OTOG: variants seen among roughly 807,000 people sequenced by gnomAD.
OTOG encodes the protein otogelin.
Under a neutral mutation model 313.8 loss-of-function variants are expected in OTOG, and 296 were observed. The ratio of observed to expected loss-of-function variants is 0.94; its 90% CI spans 0.86 to 1.04. The LOEUF (loss-of-function observed/expected upper bound fraction) is 1.04, where lower values mean the gene tolerates loss of function less well. Ranked by LOEUF, OTOG falls within the 50% of genes least tolerant of loss-of-function variation. OTOG has a pLI of 0.00. For synonymous variants in OTOG, 1,533 were observed against 1,554.9 expected (o/e 0.99, Z 0.33); for missense variants, 3,948 against 3,840.1 (o/e 1.03, Z -0.74).
chr11:17,599,120 G>T (rs1352083661), intron 30 of OTOG, among the ~76,000 whole-genome samples: 1 of 152,192 alleles, frequency 6.6e-6, no homozygotes, highest in African/African-American at 2.4e-5. Flanking sequence ...GTGTGGTGCT[G>T]GGGATGACCA....
At chr11:17,639,495 GGTC>G in intron 49 of OTOG, 32 bp downstream of exon 49, 1 of 1,547,796 alleles carries the variant, frequency 6.5e-7, no homozygotes, top group South Asian at 1.2e-5. Context: ...AACACTCCCT[GGTC>G]TGCTCCCCTT....
In OTOG at chr11:17,629,307, G is replaced by A. The variant is rs1374623056; in HGVS notation, c.6703G>A (p.Gly2235Ser). 6.5e-7 allele frequency: 1 copy of A among 1,549,782 alleles called. No homozygotes were observed. Among genetic ancestry groups the A allele is most frequent in the Non-Finnish European group, 8.7e-7 (1 of 1,146,752 alleles). ...CAAAACCAGCAAGGCCCAGGGCCAT[G>A]GCCTGTGCGGTGAGGTGGAACCCAG... is the stretch of plus-strand genomic sequence containing the variant. ...ASKTSKAQGH[G>S]LCGICDGDAA... The change falls in exon 40 of 56, where the codon GGC (glycine) becomes AGC (serine). Residue 2235 changes from glycine to serine, a missense_variant. Coordinates refer to ENST00000399397, the MANE Select transcript of OTOG (RefSeq NM_001292063.2).
At chr11:17,605,109 G>C (rs1433669555) in intron 32 of OTOG, among the ~76,000 whole-genome samples, 2 of 152,254 alleles carry the variant, frequency 1.3e-5, no homozygotes, top group Non-Finnish European at 2.9e-5. Context: ...AGCCAGGGTG[G>C]TGAGCTGGGA....
intron 39 of OTOG, among the ~76,000 whole-genome samples, chr11:17,628,326 C>T (rs1361776069): frequency 6.6e-6 from 1 of 152,046 alleles, no homozygotes; most frequent in Non-Finnish European, 1.5e-5. Flanking sequence ...ACCCACTTGA[C>T]ATTCAGGAGC....
Position 17,642,206 on chromosome 11 carries a change from C to T in OTOG, c.8375C>T (p.Pro2792Leu), listed in dbSNP as rs1457976696. The T allele has an allele frequency of 1.3e-6, 2 of 1,550,272 alleles. No individual in the cohort carries two copies. The highest frequency in any genetic ancestry group is 2.4e-5 in the South Asian group (2 of 84,012). Residue 2792 changes from proline to leucine, a missense_variant, in exon 53 of 56, where the codon CCC becomes CTC. By Grantham distance (98) the Pro-to-Leu change is moderately conservative (BLOSUM62 -3). Coordinates refer to ENST00000399397, the MANE Select transcript of OTOG (RefSeq NM_001292063.2). ...CTGGGTGCCGTGCTGGTCCGCTCTC[C>T]CATAAGCTGCCCACCGCTCAATGAG... ...TPLGAVLVRS[P>L]ISCPPLNETE...
chr11:17,606,254 G>A (rs1853386836), intron 33 of OTOG, 119 bp downstream of exon 33: 2 of 1,301,994 alleles, frequency 1.5e-6, no homozygotes, highest in Admixed American at 5.6e-5. Flanking sequence ...TCCTTCTCCT[G>A]GCACAGGGGC....
At position 17,610,942 on chromosome 11, in the gene OTOG, C is replaced by A; in HGVS notation, c.5642C>A (p.Thr1881Lys). The change falls in exon 36 of 56, where the codon ACA (threonine) becomes AAA (lysine). Residue 1881 changes from threonine (T) to lysine (K), a missense_variant. Coordinates refer to ENST00000399397, the MANE Select transcript of OTOG (RefSeq NM_001292063.2). ...GCTCCAGGCCTGCTGCTGGGAGCCA[C>A]ATTGCCAACCTCTGGAGTCCTGCCT... ...GTAPGLLLGA[T>K]LPTSGVLPVA... is the part of the protein sequence containing the mutation. 1 of 1,550,590 alleles carries A rather than the reference C, an allele frequency of 6.4e-7. No homozygotes were observed. Among genetic ancestry groups the A allele is most frequent in the African/African-American group, 1.4e-5 (1 of 73,180 alleles).
At chr11:17,555,638 G>A in intron 6 of OTOG, 141 bp from the exon 7 acceptor site, 1 of 646,576 alleles carries the variant, frequency 1.5e-6, no homozygotes. Flanking sequence ...TGATGTATGG[G>A]GACTGAGCGA....
chr11:17,605,819 T>A, intron 32 of OTOG, 38 bp from the exon 33 acceptor site: 2 of 1,499,106 alleles, frequency 1.3e-6, no homozygotes, highest in Non-Finnish European at 1.8e-6. Flanking sequence ...CACCTGGACC[T>A]CTGCCTGTAC....
At chr11:17,549,618 G>T (rs1230351798) in intron 3 of OTOG, among the ~76,000 whole-genome samples, 4 of 152,224 alleles carry the variant, frequency 2.6e-5, no homozygotes, top group African/African-American at 4.8e-5. Context: ...GCAGAGCCAG[G>T]CCGTGCATAC....
chr11:17,591,457 C>G lies in OTOG; in HGVS notation c.2875C>G (p.Gln959Glu). Reference protein sequence around the residue: ...VMSPCHTCVCQRGSFQCTLHP... With the variant: ...VMSPCHTCVCERGSFQCTLHP... ...TGGGCATGTGTTTTTCAGTGTGTGC[C>G]AGCGGGGCTCATTCCAGTGCACCCT... The change falls in exon 25 of 56, where the codon CAG (glutamine) becomes GAG (glutamate). Residue 959 changes from glutamine to glutamate, a missense_variant. Coordinates refer to ENST00000399397, the MANE Select transcript of OTOG (RefSeq NM_001292063.2). 1 of 1,550,674 alleles carries G rather than the reference C, an allele frequency of 6.4e-7. No homozygotes were observed. The highest frequency in any genetic ancestry group is 8.7e-7 in the Non-Finnish European group (1 of 1,147,016).
intron 1 of OTOG, 36 bp downstream of exon 1, chr11:17,547,502 C>A: frequency 7.6e-7 from 1 of 1,319,372 alleles, no homozygotes; most frequent in Non-Finnish European, 9.7e-7. Context: ...GTCGGGGGCT[C>A]GAGGAATGAG....
Position 17,602,289 on chromosome 11 carries a change from C to T in OTOG, c.3789C>T (p.Asp1263=). 1 of 1,550,592 alleles carries T rather than the reference C, an allele frequency of 6.4e-7. No individual in the cohort carries two copies. Among genetic ancestry groups the T allele is most frequent in the African/African-American group, 1.4e-5 (1 of 73,170 alleles). ...TGGGCATGAAGGCGGTGGGCGATGACATAGTCCTAGTGAGGACAGAGGATG... is the reference window on the plus strand; with the variant it reads ...TGGGCATGAAGGCGGTGGGCGATGATATAGTCCTAGTGAGGACAGAGGATG... ...ALVGMKAVGD[D]IVLVRTEDVA... The change falls in exon 32 of 56, where the codon GAC becomes GAT. Residue 1263 remains aspartate, a synonymous_variant. Transcript: ENST00000399397.
Position 17,576,547 on chromosome 11 carries a change from T to A in OTOG, c.2487-9T>A, listed in dbSNP as rs1240732512. 6.5e-7 allele frequency: 1 copy of A among 1,549,494 alleles called. No homozygotes were observed. The highest frequency in any genetic ancestry group is 2.4e-5 in the East Asian group (1 of 40,912). ...CTGCTCACCTTTCTTTGCTCCCATTTTTTTATAGGAACCAGTGCTCCTGCC... is the reference window on the plus strand; with the variant it reads ...CTGCTCACCTTTCTTTGCTCCCATTATTTTATAGGAACCAGTGCTCCTGCC... On this transcript the variant is annotated splice_polypyrimidine_tract_variant and intron_variant, in intron 20 of 55. Transcript: ENST00000399397.
chr11:17,591,036 C>T (rs1852919291), intron 24 of OTOG, among the ~76,000 whole-genome samples: 1 of 152,176 alleles, frequency 6.6e-6, no homozygotes, highest in Non-Finnish European at 1.5e-5. Flanking sequence ...ATCTCTTCTC[C>T]CTCTAGAATA....
At chr11:17,636,473 G>GACT (rs933980647) in intron 47 of OTOG, among the ~76,000 whole-genome samples, 14 of 152,148 alleles carry the variant, frequency 9.2e-5, no homozygotes, top group African/African-American at 3.4e-4. Context: ...GAACAGAGTA[G>GACT]GAGAGGGGCT....
chr11:17,645,590 A>C lies in OTOG; in HGVS notation c.8488A>C (p.Lys2830Gln). ...TAAGGAGGATGGGCGCTCCTGCAAG[A>C]AGGTGACCATCCGCATGACCATCCG... The part of the protein sequence containing the change: ...TCKEDGRSCK[K>Q]VTIRMTIRKN... Residue 2830 changes from lysine (K) to glutamine (Q), a missense_variant, in exon 55 of 56, where the codon AAG (lysine) becomes CAG (glutamine). Coordinates refer to ENST00000399397, the MANE Select transcript of OTOG (RefSeq NM_001292063.2). 1 of 1,550,654 alleles carries C rather than the reference A, an allele frequency of 6.4e-7. No individual in the cohort carries two copies. The highest frequency in any genetic ancestry group is 8.7e-7 in the Non-Finnish European group (1 of 1,146,998).
In OTOG at chr11:17,594,063, T is replaced by C. The variant is rs1853026774; in HGVS notation, c.3305T>C (p.Leu1102Pro). The C allele has an allele frequency of 6.4e-7, 1 of 1,550,458 alleles. No homozygotes were observed. Among genetic ancestry groups the C allele is most frequent in the Non-Finnish European group, 8.7e-7 (1 of 1,147,000 alleles). Reference protein sequence around the residue: ...GPQWQGQLAGLCGNFDLKTIN... With the variant: ...GPQWQGQLAGPCGNFDLKTIN... ...TCCTTTCAGGGCCAGCTGGCGGGCC[T>C]CTGTGGGAACTTTGACTTAAAAACC... Residue 1102 changes from leucine (L) to proline (P), a missense_variant, in exon 28 of 56, where the codon CTC (leucine) becomes CCC (proline). Coordinates refer to ENST00000399397, the MANE Select transcript of OTOG (RefSeq NM_001292063.2).
At chr11:17,618,239 CT>C (rs1362041870) in intron 39 of OTOG, among the ~76,000 whole-genome samples, 2 of 152,156 alleles carry the variant, frequency 1.3e-5, no homozygotes, top group African/African-American at 4.8e-5. Context: ...ACAATTTTCC[CT>C]GTACGTATTG....
Sources: allele counts gnomAD v4.1 joint callset (sites outside exome capture counted in the v4.1 genomes callset), GRCh38; gene constraint gnomAD v4.1.1; transcripts MANE v1.5; gene names NCBI Gene and HGNC (gene_info 2026-07-23, HGNC 2026-07-21).